Variants in SLC30A9 observed in about 807,000 individuals in gnomAD.
SLC30A9 encodes the protein solute carrier family 30 member 9, also known as proton-coupled zinc antiporter SLC30A9, mitochondrial.
SLC30A9 carries 58 observed loss-of-function variants against 87.5 expected under a neutral mutation model. The ratio of observed to expected loss-of-function variants is 0.66; its 90% CI spans 0.54 to 0.82. The LOEUF is 0.82. SLC30A9 is among the 40% of genes least tolerant of loss of function. The pLI, the probability that SLC30A9 is intolerant of heterozygous loss-of-function variation, is 0.00. For synonymous variants in SLC30A9, 234 were observed against 233.0 expected, an observed-to-expected ratio of 1.00 and a Z score of -0.04; for missense variants, 557 against 679.1, an observed-to-expected ratio of 0.82 and a Z score of 2.00.
rs1261242801 is a variant in SLC30A9, at chr4:42,070,515, G to A, written c.1253-11G>A. On this transcript the variant is annotated splice_polypyrimidine_tract_variant and intron_variant, in intron 14 of 17. Transcript: ENST00000264451. The stretch of plus-strand genomic sequence containing the variant: ...TGTTAATTTACTGATTTTTTTATGT[G>A]CTTCATTTAGGCAATCCACTGTATG... The A allele has an allele frequency of 1.9e-6, 3 of 1,598,252 alleles. No individual in the cohort carries two copies. In the African/African-American group the frequency reaches 4.0e-5, roughly 22 times the overall value.
At chr4:42,064,781 G>A (rs1054238980) in intron 11 of SLC30A9, among the ~76,000 whole-genome samples, 1 of 152,084 alleles carries the variant, frequency 6.6e-6, no homozygotes, top group African/African-American at 2.4e-5. Flanking sequence ...TGTTGGACTA[G>A]GTTCAAAGTT....
chr4:42,027,483 G>C (rs1296204844), intron 6 of SLC30A9, among the ~76,000 whole-genome samples: 1 of 148,266 alleles, frequency 6.7e-6, no homozygotes, highest in Non-Finnish European at 1.5e-5. Flanking sequence ...TTTTTAGTAT[G>C]AGTGCATACC....
intron 6 of SLC30A9, chr4:42,030,175 A>AC: frequency 3.0e-6 from 2 of 662,276 alleles, no homozygotes; most frequent in Non-Finnish European, 4.4e-6. Context: ...AAAAAAAGAT[A>AC]CAAAAGCCTG....
intron 2 of SLC30A9, among the ~76,000 whole-genome samples, chr4:42,002,883 G>A (rs900109409): frequency 6.6e-6 from 1 of 152,128 alleles, no homozygotes; most frequent in African/African-American, 2.4e-5. Context: ...AGTGTATTAA[G>A]TATTGACTTT....
chr4:42,019,528 AATT>A (rs1191156001), intron 3 of SLC30A9, among the ~76,000 whole-genome samples: 3 of 151,998 alleles, frequency 2.0e-5, no homozygotes, highest in Non-Finnish European at 4.4e-5. Flanking sequence ...TAACTGATGA[AATT>A]ATTCTGTACT....
chr4:41,994,835 A>G (rs892007812), intron 1 of SLC30A9, among the ~76,000 whole-genome samples: 1 of 150,556 alleles, frequency 6.6e-6, no homozygotes, highest in Non-Finnish European at 1.5e-5. Flanking sequence ...CTCAAAAAAA[A>G]AAAAAAAAAA....
chr4:41,995,435 A>T (rs1340351805), intron 1 of SLC30A9, among the ~76,000 whole-genome samples: 1 of 152,064 alleles, frequency 6.6e-6, no homozygotes, highest in Non-Finnish European at 1.5e-5. Flanking sequence ...ATAGTTGCTG[A>T]TAGTGTAGTG....
chr4:42,008,223 G>C (rs1715297627), intron 2 of SLC30A9, among the ~76,000 whole-genome samples: 1 of 152,098 alleles, frequency 6.6e-6, no homozygotes, highest in Non-Finnish European at 1.5e-5. Context: ...AGCCTCTTCT[G>C]GTCATTCATA....
chr4:42,033,798 A>ACC (rs1716557014), intron 6 of SLC30A9, among the ~76,000 whole-genome samples: 1 of 152,086 alleles, frequency 6.6e-6, no homozygotes, highest in African/African-American at 2.4e-5. Flanking sequence ...GATGGTCTCG[A>ACC]TGATCTGACC....
intron 8 of SLC30A9, among the ~76,000 whole-genome samples, chr4:42,040,327 A>C (rs538821328): frequency 5.9e-5 from 9 of 152,362 alleles, no homozygotes; most frequent in African/African-American, 2.2e-4. Context: ...AGTGCTTAAC[A>C]TAGTACCTGC....
Position 41,990,693 on chromosome 4 carries a change from C to G in SLC30A9, c.42C>G (p.Ser14Arg). ...CCGCCGCCGCGGCCCACAGATGTAGCTGGTCCTCCCTGTGCCGGCTCCGTC... is the reference window on the plus strand; with the variant it reads ...CCGCCGCCGCGGCCCACAGATGTAGGTGGTCCTCCCTGTGCCGGCTCCGTC... ...GLAAAAAHRC[S>R]WSSLCRLRLR... Residue 14 changes from serine to arginine, a missense_variant, in exon 1 of 18, where the codon AGC becomes AGG. Physicochemically the swap from Ser to Arg is moderately radical, Grantham distance 110 (BLOSUM62 -1). Transcript: ENST00000264451. The G allele has an allele frequency of 1.2e-6, 2 of 1,612,144 alleles. No individual in the cohort carries two copies. Among genetic ancestry groups the G allele is most frequent in the Non-Finnish European group, 1.7e-6 (2 of 1,179,240 alleles).
At chr4:42,015,253 T>A (rs1022897793) in intron 2 of SLC30A9, among the ~76,000 whole-genome samples, 6 of 152,092 alleles carry the variant, frequency 3.9e-5, no homozygotes, top group African/African-American at 9.7e-5. Context: ...AAGTTTTTTT[T>A]AAAGAAAAAT....
Position 42,086,350 on chromosome 4 carries a change from C to T in SLC30A9, c.*224C>T. 1 of 372,932 alleles carries T rather than the reference C, an allele frequency of 2.7e-6. No homozygotes were observed. Among genetic ancestry groups the T allele is most frequent in the Non-Finnish European group, 4.8e-6 (1 of 208,074 alleles). The allele number at this position is 372,932 out of a possible 1,614,324, so 23.1% of individuals were successfully genotyped here. On this transcript the variant is annotated 3_prime_UTR_variant, in exon 18 of 18. Coordinates refer to ENST00000264451, the MANE Select transcript of SLC30A9 (RefSeq NM_006345.4). ...CTACAAGTTGAATCAATTTGAAAAT[C>T]ATGTTTTTATGCTTCCATAGGGAAC...
At chr4:42,072,254 A>G (rs992131561) in intron 15 of SLC30A9, among the ~76,000 whole-genome samples, 2 of 150,912 alleles carry the variant, frequency 1.3e-5, no homozygotes, top group Admixed American at 6.6e-5. Context: ...TTGTTTTTCT[A>G]TTTTCTTTTT....
chr4:42,007,956 T>C (rs1715285418), intron 2 of SLC30A9, among the ~76,000 whole-genome samples: 1 of 152,198 alleles, frequency 6.6e-6, no homozygotes, highest in Admixed American at 6.5e-5. Flanking sequence ...AAACTCTCCA[T>C]TGGCTTCTAG....
chr4:42,065,540 TG>T (rs1185788421), intron 12 of SLC30A9, among the ~76,000 whole-genome samples, 191 bp downstream of exon 12: 2 of 152,172 alleles, frequency 1.3e-5, no homozygotes, highest in South Asian at 2.1e-4. Context: ...TGGATAGCTG[TG>T]GGGGGGTGTG....
chr4:42,055,606 C>G (rs1018692676), intron 9 of SLC30A9, among the ~76,000 whole-genome samples: 3 of 152,110 alleles, frequency 2.0e-5, no homozygotes, highest in Admixed American at 2.0e-4. Flanking sequence ...CTTACAATTT[C>G]TGTTACAGTT....
In SLC30A9 at chr4:42,023,057, G is replaced by T. The variant is rs879396936; in HGVS notation, c.527+127G>T. The T allele has an allele frequency of 1.7e-5, 10 of 581,870 alleles. No homozygotes were observed. The Admixed American group carries it at 2.6e-4, about 15-fold the overall frequency. The allele number at this position is 581,870 out of a possible 1,614,324, so 36.0% of individuals were successfully genotyped here. ...ACAATATTTTTGTATTTGCAAATCT[G>T]TTTATTTGTGAGTTACTAATATGTA... is the stretch of plus-strand genomic sequence containing the variant. On this transcript the variant is annotated intron_variant, in intron 5 of 17. Coordinates refer to ENST00000264451, the MANE Select transcript of SLC30A9 (RefSeq NM_006345.4).
At chr4:42,038,421 A>T (rs962286948) in intron 7 of SLC30A9, among the ~76,000 whole-genome samples, 8 of 152,142 alleles carry the variant, frequency 5.3e-5, no homozygotes, top group Admixed American at 1.3e-4. Context: ...TTCCCATAAT[A>T]ATTTCATTGA....
Sources: gnomAD v4.1 joint callset for allele counts (sites outside exome capture counted in the v4.1 genomes callset) on GRCh38, gnomAD v4.1.1 for gene constraint, MANE v1.5 for transcripts, NCBI Gene and HGNC (gene_info 2026-07-23, HGNC 2026-07-21) for gene names.